CAP2: variants seen among roughly 807,000 people sequenced by gnomAD.
CAP2 encodes cyclase associated actin cytoskeleton regulatory protein 2.
CAP2 carries 24 observed loss-of-function variants against 57.7 expected under a neutral mutation model. The observed-to-expected ratio is 0.42, with a 90% CI of 0.30 to 0.58. The LOEUF is 0.58. CAP2 is among the 20% of genes least tolerant of loss of function. The pLI is 0.22. For missense variants in CAP2, 501 were observed against 590.3 expected, an observed-to-expected ratio of 0.85 and a Z score of 1.57; for synonymous variants, 194 against 207.2, an observed-to-expected ratio of 0.94 and a Z score of 0.55.
At chr6:17,441,285 C>T (rs964795616) in intron 3 of CAP2, among the ~76,000 whole-genome samples, 33 of 151,344 alleles carry the variant, frequency 2.2e-4, no homozygotes, top group Non-Finnish European at 2.8e-4. Context: ...AAGAGAAATA[C>T]GAAATTTTCT....
chr6:17,497,300 T>C (rs1422204217), intron 4 of CAP2, among the ~76,000 whole-genome samples: 1 of 152,196 alleles, frequency 6.6e-6, no homozygotes, highest in Non-Finnish European at 1.5e-5. Context: ...ATGTGCAGAA[T>C]CTCACAAAGT....
rs1331004896 is a variant in CAP2 at position 17,426,499 on chromosome 6, T to G, written c.122-91T>G. On this transcript the variant is annotated intron_variant, in intron 2 of 12. Transcript: ENST00000229922. ...ATCTGCCTGCCTCGGACTCCCAAAG[T>G]GCTAGGATTACAGGTGTGAGCCACC... 5.7e-6 allele frequency: 5 copies of G among 881,342 alleles called. No homozygotes were observed. The East Asian group carries it at 1.2e-4, about 22-fold the overall frequency. The allele number at this position is 881,342 out of a possible 1,614,324, so 54.6% of individuals were successfully genotyped here.
intron 4 of CAP2, among the ~76,000 whole-genome samples, chr6:17,496,026 G>GT (rs1554127008): frequency 8.5e-6 from 1 of 117,040 alleles, no homozygotes; most frequent in Non-Finnish European, 1.8e-5. Flanking sequence ...GCGTGTGTGG[G>GT]TGGGGGGGGG....
intron 4 of CAP2, among the ~76,000 whole-genome samples, chr6:17,464,833 T>C (rs1010665927): frequency 6.6e-6 from 1 of 152,184 alleles, no homozygotes; most frequent in Admixed American, 6.5e-5. Context: ...CACAAAGCGA[T>C]GTGTTGTAGA....
chr6:17,444,804 C>G (rs188085945), intron 3 of CAP2, among the ~76,000 whole-genome samples: 31 of 140,518 alleles, frequency 2.2e-4, no homozygotes, highest in African/African-American at 8.2e-4. Flanking sequence ...TTCTCTCTCT[C>G]CACACACACA....
At position 17,556,494 on chromosome 6, in the gene CAP2, A is replaced by G; in HGVS notation, c.*52A>G. On this transcript the variant is annotated 3_prime_UTR_variant, in exon 13 of 13. Transcript: ENST00000229922. ...CTGAATCCCCCTCTATCAAACAAACAAAAAAGCAGCAGTAAAGAGCTAGAA... is the reference window on the plus strand; with the variant it reads ...CTGAATCCCCCTCTATCAAACAAACGAAAAAGCAGCAGTAAAGAGCTAGAA... 1 of 1,315,924 alleles carries G rather than the reference A, an allele frequency of 7.6e-7. No homozygotes were observed. Among genetic ancestry groups the G allele is most frequent in the Non-Finnish European group, 1.1e-6 (1 of 908,124 alleles). The allele number at this position is 1,315,924 out of a possible 1,614,324, so 81.5% of individuals were successfully genotyped here.
At chr6:17,407,143 CTT>C (rs1431068442) in intron 1 of CAP2, among the ~76,000 whole-genome samples, 3 of 152,186 alleles carry the variant, frequency 2.0e-5, no homozygotes, top group Admixed American at 6.5e-5. Context: ...GAAGCTTTCT[CTT>C]GTTTCCTTTT....
intron 7 of CAP2, among the ~76,000 whole-genome samples, chr6:17,532,609 G>A (rs1328562070): frequency 4.6e-5 from 7 of 151,586 alleles, no homozygotes; most frequent in Non-Finnish European, 8.8e-5. Context: ...TTAGCCAGGC[G>A]TGGTGGCAGG....
intron 4 of CAP2, among the ~76,000 whole-genome samples, chr6:17,474,185 C>CTTTTTTTTTTTTTTTTTTTTTTT (rs544909381): frequency 1.6e-4 from 15 of 93,206 alleles, no homozygotes; most frequent in East Asian, 3.6e-4. Flanking sequence ...AAAAAACAGT[C>CTTTTTTTTTTTTTTTTTTTTTTT]TTTTTTTTTT....
At chr6:17,421,805 T>C in intron 2 of CAP2, 129 bp downstream of exon 2, 1 of 1,058,350 alleles carries the variant, frequency 9.4e-7, no homozygotes, top group Non-Finnish European at 1.4e-6. Context: ...TATGTGACCA[T>C]AACATTAACC....
At chr6:17,464,269 G>A (rs1186448786) in intron 4 of CAP2, among the ~76,000 whole-genome samples, 1 of 152,154 alleles carries the variant, frequency 6.6e-6, no homozygotes, top group African/African-American at 2.4e-5. Flanking sequence ...TGCATCCGAA[G>A]TTTAAGAACA....
chr6:17,519,193 T>C (rs1308475009), intron 7 of CAP2, among the ~76,000 whole-genome samples: 2 of 152,178 alleles, frequency 1.3e-5, no homozygotes, highest in Non-Finnish European at 2.9e-5. Context: ...GAGTTAACAG[T>C]TGGAGCTGAA....
At chr6:17,555,199 A>G (rs964091771) in intron 12 of CAP2, among the ~76,000 whole-genome samples, 2 of 149,458 alleles carry the variant, frequency 1.3e-5, no homozygotes, top group African/African-American at 4.9e-5. Context: ...CAGAATCTGC[A>G]TTTTTTTTTT....
At chr6:17,454,802 A>G (rs1760511422) in intron 3 of CAP2, among the ~76,000 whole-genome samples, 1 of 152,208 alleles carries the variant, frequency 6.6e-6, no homozygotes, top group African/African-American at 2.4e-5. Flanking sequence ...TCCGTTTTCT[A>G]TGCTTCAAGT....
chr6:17,438,033 A>G (rs1396870229), intron 3 of CAP2, among the ~76,000 whole-genome samples: 1 of 151,974 alleles, frequency 6.6e-6, no homozygotes, highest in Non-Finnish European at 1.5e-5. Context: ...TGAGAGATAC[A>G]AATATTTTTC....
intron 1 of CAP2, among the ~76,000 whole-genome samples, chr6:17,394,238 C>T (rs954986481): frequency 6.6e-6 from 1 of 152,040 alleles, no homozygotes; most frequent in Admixed American, 6.5e-5. Context: ...AAGAAACAGA[C>T]CTGGCTTCCC....
chr6:17,477,307 C>T (rs543602299), intron 4 of CAP2, among the ~76,000 whole-genome samples: 196 of 152,362 alleles, frequency 1.3e-3, no homozygotes, highest in African/African-American at 4.5e-3. Flanking sequence ...GCTGTTACAG[C>T]ATGTCATCCG....
In CAP2 at chr6:17,539,316, G is replaced by A. The variant is rs750625998; in HGVS notation, c.684G>A (p.Gly228=). Residue 228 remains glycine (G), a synonymous_variant, in exon 8 of 13, where the codon GGG becomes GGA. Coordinates refer to ENST00000229922, the MANE Select transcript of CAP2 (RefSeq NM_006366.3). ...CAGCGTTTTCTGTCCTCTCCTCTGGGCCTGGCCTTCCTCCACCCCCTCCTC... is the reference window on the plus strand; with the variant it reads ...CAGCGTTTTCTGTCCTCTCCTCTGGACCTGGCCTTCCTCCACCCCCTCCTC... ...TVSAFSVLSS[G]PGLPPPPPPL... is the part of the protein sequence containing the mutation. 6.2e-7 allele frequency: 1 copy of A among 1,613,918 alleles called. No homozygotes were observed. Among genetic ancestry groups the A allele is most frequent in the Non-Finnish European group, 8.5e-7 (1 of 1,179,898 alleles).
chr6:17,422,600 C>G (rs186721155), intron 2 of CAP2, among the ~76,000 whole-genome samples: 295 of 152,222 alleles, frequency 1.9e-3, no homozygotes, highest in African/African-American at 6.8e-3. Context: ...CCGCCTGCCT[C>G]GTCCTCCCAA....
Sources: gnomAD v4.1 joint callset for allele counts (sites outside exome capture counted in the v4.1 genomes callset) on GRCh38, gnomAD v4.1.1 for gene constraint, MANE v1.5 for transcripts, NCBI Gene and HGNC (gene_info 2026-07-23, HGNC 2026-07-21) for gene names.